P2RX5: variants seen among roughly 807,000 people sequenced by gnomAD.
P2RX5 encodes the protein P2X purinoceptor 5.
A neutral mutation model predicts 54.1 loss-of-function variants in P2RX5; 46 were observed. That is an observed-to-expected ratio of 0.85 (90% confidence interval 0.67 to 1.09). The LOEUF is 1.09. Ranked by LOEUF, P2RX5 falls within the 50% of genes least tolerant of loss-of-function variation. The probability of loss-of-function intolerance (pLI) is 0.00; values close to 1 mark genes in which losing one functional copy is unlikely to be tolerated. For synonymous variants in P2RX5, 226 were observed against 226.4 expected (o/e 1.00, Z 0.02); for missense variants, 566 against 549.8 (o/e 1.03, Z -0.29).
chr17:3,693,741 A>AAAT (rs953888224), intron 1 of P2RX5, among the ~76,000 whole-genome samples: 48 of 152,176 alleles, frequency 3.2e-4, no homozygotes, highest in Middle Eastern at 3.4e-3. Flanking sequence ...TCCATCTCAA[A>AAAT]AATAATAATA....
chr17:3,692,686 A>C (rs1329821850), intron 1 of P2RX5, among the ~76,000 whole-genome samples: 1 of 151,982 alleles, frequency 6.6e-6, no homozygotes, highest in African/African-American at 2.4e-5. Flanking sequence ...TATGAAAAAC[A>C]AAAAAGTAAT....
chr17:3,679,812 G>A, intron 10 of P2RX5, 28 bp from the exon 11 acceptor site: 3 of 1,598,290 alleles, frequency 1.9e-6, no homozygotes, highest in Non-Finnish European at 2.6e-6. Flanking sequence ...TGTTCACCTG[G>A]GACGGCCCTG....
intron 11 of P2RX5, chr17:3,676,688 A>C: frequency 2.3e-6 from 1 of 441,396 alleles, no homozygotes; most frequent in African/African-American, 2.1e-5. Flanking sequence ...TTGTTGAAAC[A>C]CAGGTTCTGA....
At chr17:3,685,339 T>G (rs1405556979) in intron 9 of P2RX5, among the ~76,000 whole-genome samples, 1 of 152,212 alleles carries the variant, frequency 6.6e-6, no homozygotes, top group Non-Finnish European at 1.5e-5. Context: ...TGAGGACAGC[T>G]GGCAGAGCGT....
intron 10 of P2RX5, among the ~76,000 whole-genome samples, chr17:3,681,414 G>C (rs1379040766): frequency 6.6e-6 from 1 of 151,904 alleles, no homozygotes; most frequent in Non-Finnish European, 1.5e-5. Flanking sequence ...CTGCCGCTGT[G>C]AACACGCACA....
the P2RX5 span, among the ~76,000 whole-genome samples, chr17:3,709,818 A>G: frequency 6.6e-6 from 1 of 152,204 alleles, no homozygotes; most frequent in South Asian, 2.1e-4. Flanking sequence ...CTGAGGCAGG[A>G]GAATCGCTTG....
In P2RX5 at chr17:3,688,546, G is replaced by T. The variant is rs557847915; in HGVS notation, c.887+80C>A. The T allele has an allele frequency of 6.7e-6, 10 of 1,485,222 alleles. No individual in the cohort carries two copies. In the East Asian group the frequency reaches 9.0e-5, roughly 13 times the overall value. The allele number at this position is 1,485,222 out of a possible 1,614,324, so 92.0% of individuals were successfully genotyped here. A position where few individuals can be genotyped will look rare whatever the true frequency, so the allele number is the denominator to read the frequency against. On this transcript the variant is annotated intron_variant, in intron 8 of 11. Transcript: ENST00000225328. Reference sequence around the variant, plus strand: ...CTCTGACACCCACCCCCAGGAAGGGGCCTCAATAGTGCTGGCACCCAGATG... The same window carrying T: ...CTCTGACACCCACCCCCAGGAAGGGTCCTCAATAGTGCTGGCACCCAGATG...
upstream of P2RX5, among the ~76,000 whole-genome samples, chr17:3,698,158 C>T (rs2050792308): frequency 6.6e-6 from 1 of 152,094 alleles, no homozygotes; most frequent in Non-Finnish European, 1.5e-5. Flanking sequence ...CCTCAGCCCC[C>T]TGCTAACACA....
At chr17:3,693,844 G>C (rs1203733875) in intron 1 of P2RX5, among the ~76,000 whole-genome samples, 1 of 143,814 alleles carries the variant, frequency 7.0e-6, no homozygotes, top group Non-Finnish European at 1.5e-5. Context: ...TTTTTTTTTT[G>C]AGACAGTCTT....
chr17:3,696,168 C>A, upstream of P2RX5: 1 of 592,352 alleles, frequency 1.7e-6, no homozygotes, highest in South Asian at 7.0e-5. Context: ...GGGGGCGGGT[C>A]GGGGCGGCCT....
chr17:3,676,705 T>TGGGGGGGGGGTTGGGGGGGGGGG (rs35849969), intron 11 of P2RX5: 1 of 208,066 alleles, frequency 4.8e-6, no homozygotes, highest in Non-Finnish European at 7.8e-6. Flanking sequence ...CTGATTTGGG[T>TGGGGGGGGGGTTGGGGGGGGGGG]GGGGGGCGGG....
chr17:3,711,782 C>G, the P2RX5 span, among the ~76,000 whole-genome samples: 1 of 152,146 alleles, frequency 6.6e-6, no homozygotes, highest in African/African-American at 2.4e-5. Context: ...GCAAACTCTG[C>G]CTTCTGGGTT....
chr17:3,673,397 G>C lies in P2RX5; in HGVS notation c.*471C>G. The C allele has an allele frequency of 9.6e-7, 1 of 1,045,168 alleles. No individual in the cohort carries two copies. The highest frequency in any genetic ancestry group is 1.2e-6 in the Non-Finnish European group (1 of 865,276). 64.7% of individuals were successfully genotyped at this position (1,045,168 alleles called of 1,614,324 possible). Reference sequence around the variant, plus strand: ...GTGTCTTTAGGAGAGAGAGTACTTGGATCCACTGGAGAGTATGCTCTGAGG... The same window carrying C: ...GTGTCTTTAGGAGAGAGAGTACTTGCATCCACTGGAGAGTATGCTCTGAGG... On this transcript the variant is annotated 3_prime_UTR_variant, in exon 12 of 12. Transcript: ENST00000225328.
the P2RX5 span, chr17:3,723,274 TCA>T: frequency 6.4e-7 from 1 of 1,557,148 alleles, no homozygotes; most frequent in Non-Finnish European, 8.9e-7. Flanking sequence ...CTGGAGCATT[TCA>T]GTCTCAAACA....
At chr17:3,678,595 C>G (rs1279874697) in intron 11 of P2RX5, among the ~76,000 whole-genome samples, 1 of 152,250 alleles carries the variant, frequency 6.6e-6, no homozygotes. Context: ...CTGCCTCTCT[C>G]TCTCCTCACT....
At chr17:3,677,140 G>C (rs2050122605) in intron 11 of P2RX5, 1 of 985,286 alleles carries the variant, frequency 1.0e-6, no homozygotes, top group Admixed American at 6.1e-5. Context: ...GGTGGGTGTG[G>C]CCGTGGCATA....
Position 3,681,932 on chromosome 17 carries a change from C to T in P2RX5, c.1028G>A (p.Arg343Lys), listed in dbSNP as rs267604836. Residue 343 changes from arginine to lysine, a missense_variant, in exon 10 of 12, where the codon AGA becomes AAA. Arg to Lys is a conservative substitution (Grantham distance 26). Coordinates refer to ENST00000225328, the MANE Select transcript of P2RX5 (RefSeq NM_002561.4). Reference sequence around the variant, plus strand: ...GTACTTCTTGTCACGGTAAAACTCTCTCTTTTTGATGAGGTAGATGAGTAC... The same window carrying T: ...GTACTTCTTGTCACGGTAAAACTCTTTCTTTTTGATGAGGTAGATGAGTAC... ...DLVLIYLIKKREFYRDKKYEE... is the reference protein window; with the variant it reads ...DLVLIYLIKKKEFYRDKKYEE... 6.2e-7 allele frequency: 1 copy of T among 1,613,932 alleles called. No homozygotes were observed. Among genetic ancestry groups the T allele is most frequent in the South Asian group, 1.1e-5 (1 of 91,082 alleles).
At chr17:3,714,717 G>T in the P2RX5 span, 1 of 574,014 alleles carries the variant, frequency 1.7e-6, no homozygotes, top group Non-Finnish European at 3.1e-6. Context: ...ACAATGTATG[G>T]TTAAAAACTA....
the P2RX5 span, among the ~76,000 whole-genome samples, chr17:3,703,481 T>C: frequency 6.6e-6 from 1 of 151,610 alleles, no homozygotes; most frequent in Non-Finnish European, 1.5e-5. Flanking sequence ...TGAGCTGAGA[T>C]CATGGCACTG....
Sources: gnomAD v4.1 joint callset for allele counts (sites outside exome capture counted in the v4.1 genomes callset) on GRCh38, gnomAD v4.1.1 for gene constraint, MANE v1.5 for transcripts, NCBI Gene and HGNC (gene_info 2026-07-23, HGNC 2026-07-21) for gene names.